Variants in CUL9 observed in about 807,000 individuals in gnomAD.
The protein encoded by CUL9 is cullin-9.
In CUL9, 79 loss-of-function variants were observed where a neutral mutation model predicts 272.6. The observed-to-expected ratio is 0.29, with a 90% CI of 0.24 to 0.35. The LOEUF (loss-of-function observed/expected upper bound fraction) is 0.35, where lower values mean the gene tolerates loss of function less well. Ranked by LOEUF, CUL9 falls within the 10% of genes least tolerant of loss-of-function variation. The probability of loss-of-function intolerance (pLI) is 1.00; values close to 1 mark genes in which losing one functional copy is unlikely to be tolerated. For missense variants in CUL9, 2,532 were observed against 3,255.6 expected (o/e 0.78, Z 5.41); for synonymous variants, 1,186 against 1,286.5 (o/e 0.92, Z 1.67).
rs968099333 is a variant in CUL9 at position 43,220,024 on chromosome 6, G to A, written c.6283-435G>A. ...GCATAAGTCAGAGACAGGAGCATCC[G>A]GACGGTCATTGGAGATAAGCCACTG... On this transcript the variant is annotated intron_variant, in intron 31 of 40. Coordinates refer to ENST00000252050, the MANE Select transcript of CUL9 (RefSeq NM_015089.4). This position sits in a 1 kb window ranked among gnomAD's most constrained non-coding sequence, Gnocchi z 4.9. Among the ~76,000 whole-genome samples, 1 of 152,124 alleles carries A rather than the reference G, an allele frequency of 6.6e-6. No homozygotes were observed. Among genetic ancestry groups the A allele is most frequent in the Non-Finnish European group, 1.5e-5 (1 of 68,026 alleles).
In CUL9 at chr6:43,196,135, A is replaced by G. The variant is rs764992305; in HGVS notation, c.2455A>G (p.Ile819Val). 12 of 1,613,956 alleles carry G rather than the reference A, an allele frequency of 7.4e-6. No homozygotes were observed. The highest frequency in any genetic ancestry group is 1.7e-5 in the Admixed American group (1 of 59,986). ...IPTFVTGRDS[I>V]HSLFDAQMTR... Reference sequence around the variant, plus strand: ...CACTTTTGTTACTGGCCGAGATTCTATCCACTCTTTGTTTGATGCTCAGAT... The same window carrying G: ...CACTTTTGTTACTGGCCGAGATTCTGTCCACTCTTTGTTTGATGCTCAGAT... Residue 819 changes from isoleucine (I) to valine (V), a missense_variant, in exon 10 of 41, where the codon ATC (isoleucine) becomes GTC (valine). Transcript: ENST00000252050.
rs753250151 is a variant in CUL9, at chr6:43,221,328, AG to A, written c.6752+13del. On this transcript the variant is annotated splice_region_variant and intron_variant, in intron 34 of 40. Transcript: ENST00000252050. The surrounding 1 kb of genome is among the most constrained non-coding windows in gnomAD (Gnocchi z 4.2). The stretch of plus-strand genomic sequence containing the variant: ...AGAACGAGGGGTGCCTGCAGTAAGA[AG>A]GGGGGTACTGTGGGGAGCCAGAGGG... 477 of 1,503,530 alleles carry A rather than the reference AG, an allele frequency of 3.2e-4. 1 individual carries two copies. The highest frequency in any genetic ancestry group is 4.1e-4 in the Non-Finnish European group (456 of 1,118,956). 93.1% of individuals were successfully genotyped at this position (1,503,530 alleles called of 1,614,324 possible).
rs139402922 is a variant in CUL9 at position 43,206,095 on chromosome 6, C to T, written c.4882C>T (p.Arg1628Cys). The T allele has an allele frequency of 6.3e-5, 101 of 1,614,052 alleles. No individual in the cohort carries two copies. The South Asian group carries it at 7.7e-4, about 12-fold the overall frequency. ...GCAGATTGGCCTCTGTTTTCCCAAC[C>T]GCCTCCCACAGCTGATGCTGCAGAG... Reference protein sequence around the residue: ...LEQIGLCFPNRLPQLMLQSLS... With the variant: ...LEQIGLCFPNCLPQLMLQSLS... The change falls in exon 25 of 41, where the codon CGC becomes TGC. Residue 1628 changes from arginine to cysteine, a missense_variant. By Grantham distance (180) the Arg-to-Cys change is radical. Transcript: ENST00000252050. The surrounding 1 kb of genome is among the most constrained non-coding windows in gnomAD (Gnocchi z 4.8).
At chr6:43,201,809 T>C (rs1341924488) in intron 16 of CUL9, among the ~76,000 whole-genome samples, 1 of 152,214 alleles carries the variant, frequency 6.6e-6, no homozygotes, top group Non-Finnish European at 1.5e-5. Context: ...TGGCGGAAGA[T>C]ACAGGCCAGA....
Position 43,203,025 on chromosome 6 carries a change from G to T in CUL9, c.3754-84G>T. 2.0e-6 allele frequency: 3 copies of T among 1,471,866 alleles called. No individual in the cohort carries two copies. The South Asian group carries it at 3.4e-5, about 17-fold the overall frequency. The allele number at this position is 1,471,866 out of a possible 1,614,324, so 91.2% of individuals were successfully genotyped here. ...GGGAGAAGTGAAGGGCACACACCATGACCGACTTGGTTACTGTCAACAATT... is the reference window on the plus strand; with the variant it reads ...GGGAGAAGTGAAGGGCACACACCATTACCGACTTGGTTACTGTCAACAATT... On this transcript the variant is annotated intron_variant, in intron 17 of 40. Transcript: ENST00000252050. The surrounding 1 kb of genome is among the most constrained non-coding windows in gnomAD (Gnocchi z 5.0).
rs769416425 is a variant in CUL9, at chr6:43,222,303, G to A, written c.6847-13G>A. 1.3e-5 allele frequency: 21 copies of A among 1,612,854 alleles called. No individual in the cohort carries two copies. Among genetic ancestry groups the A allele is most frequent in the Middle Eastern group, 1.6e-4 (1 of 6,082 alleles). On this transcript the variant is annotated splice_polypyrimidine_tract_variant and intron_variant, in intron 35 of 40. Transcript: ENST00000252050. ...CAAAACACCCAATAGCCCTCCCAAC[G>A]TATCCTTGCTAGGTAAGCAAGGCAG...
chr6:43,213,109 C>T lies in CUL9; in HGVS notation c.5213-40C>T. The T allele has an allele frequency of 6.2e-7, 1 of 1,605,496 alleles. No homozygotes were observed. The highest frequency in any genetic ancestry group is 8.5e-7 in the Non-Finnish European group (1 of 1,174,254). ...TCAACCCCTAAACCCCTTGTTTCGC[C>T]CATTCTGTGTCTCCACCCTTCTCCT... On this transcript the variant is annotated intron_variant, in intron 26 of 40. Coordinates refer to ENST00000252050, the MANE Select transcript of CUL9 (RefSeq NM_015089.4). This position sits in a 1 kb window ranked among gnomAD's most constrained non-coding sequence, Gnocchi z 5.7.
intron 9 of CUL9, among the ~76,000 whole-genome samples, chr6:43,193,701 G>T (rs535271295): frequency 6.6e-6 from 1 of 152,208 alleles, no homozygotes; most frequent in African/African-American, 2.4e-5. Context: ...ACCGTGCCCA[G>T]CCCAGGCCAG....
Position 43,204,875 on chromosome 6 carries a change from G to C in CUL9, c.4449+18G>C, listed in dbSNP as rs1774927333. The C allele has an allele frequency of 6.2e-7, 1 of 1,613,792 alleles. No homozygotes were observed. The highest frequency in any genetic ancestry group is 1.3e-5 in the African/African-American group (1 of 74,944). On this transcript the variant is annotated intron_variant, in intron 22 of 40. Transcript: ENST00000252050. ...AGGAGCAGGTGGGCAGAAGCAAGCAGAAGTCTGCAGAGGGGAGGGGCTGCT... is the reference window on the plus strand; with the variant it reads ...AGGAGCAGGTGGGCAGAAGCAAGCACAAGTCTGCAGAGGGGAGGGGCTGCT...
Position 43,203,288 on chromosome 6 carries a change from A to T in CUL9, c.3849+84A>T. ...TGATCTGCTTGGGAGATGGCCCAGG[A>T]CCTGTTGAGTCCCAGAGATGTGGGG... is the stretch of plus-strand genomic sequence containing the variant. On this transcript the variant is annotated intron_variant, in intron 18 of 40. Coordinates refer to ENST00000252050, the MANE Select transcript of CUL9 (RefSeq NM_015089.4). This position sits in a 1 kb window ranked among gnomAD's most constrained non-coding sequence, Gnocchi z 5.0. 1.3e-6 allele frequency: 2 copies of T among 1,594,392 alleles called. No homozygotes were observed.
At chr6:43,219,819 AGT>A (rs1776200873) in intron 31 of CUL9, among the ~76,000 whole-genome samples, 1 of 152,042 alleles carries the variant, frequency 6.6e-6, no homozygotes, top group African/African-American at 2.4e-5. Flanking sequence ...AGGCTCTCAC[AGT>A]GGTTTAGGGA....
chr6:43,203,004 GA>G lies in CUL9; in HGVS notation c.3754-103del. On this transcript the variant is annotated intron_variant, in intron 17 of 40. Coordinates refer to ENST00000252050, the MANE Select transcript of CUL9 (RefSeq NM_015089.4). This position sits in a 1 kb window ranked among gnomAD's most constrained non-coding sequence, Gnocchi z 5.0. ...ACGTCCATCCCTAGGCTCTGCGGGAGAAGTGAAGGGCACACACCATGACCGA... is the reference window on the plus strand; with the variant it reads ...ACGTCCATCCCTAGGCTCTGCGGGAGAGTGAAGGGCACACACCATGACCGA... The G allele has an allele frequency of 4.5e-6, 6 of 1,329,890 alleles. No homozygotes were observed. The highest frequency in any genetic ancestry group is 5.4e-6 in the Non-Finnish European group (5 of 931,058). 82.4% of individuals were successfully genotyped at this position (1,329,890 alleles called of 1,614,324 possible).
Position 43,187,620 on chromosome 6 carries a change from G to A in CUL9, c.1582-93G>A, listed in dbSNP as rs940129085. The A allele has an allele frequency of 3.5e-6, 5 of 1,427,222 alleles. No homozygotes were observed. The African/African-American group carries it at 5.7e-5, about 16-fold the overall frequency. 88.4% of individuals were successfully genotyped at this position (1,427,222 alleles called of 1,614,324 possible). Reference sequence around the variant, plus strand: ...GAGGGTCTAGTATGTAGAAGGTGTGGGGGCATGGTAGGGAGTGATCACCCT... The same window carrying A: ...GAGGGTCTAGTATGTAGAAGGTGTGAGGGCATGGTAGGGAGTGATCACCCT... On this transcript the variant is annotated intron_variant, in intron 6 of 40. Coordinates refer to ENST00000252050, the MANE Select transcript of CUL9 (RefSeq NM_015089.4).
rs1774776913 is a variant in CUL9 at position 43,203,346 on chromosome 6, G to A, written c.3850-71G>A. 2 of 1,603,986 alleles carry A rather than the reference G, an allele frequency of 1.2e-6. No homozygotes were observed. The highest frequency in any genetic ancestry group is 1.3e-5 in the African/African-American group (1 of 74,822). On this transcript the variant is annotated intron_variant, in intron 18 of 40. Coordinates refer to ENST00000252050, the MANE Select transcript of CUL9 (RefSeq NM_015089.4). This position sits in a 1 kb window ranked among gnomAD's most constrained non-coding sequence, Gnocchi z 5.0. Reference sequence around the variant, plus strand: ...GAGCAGTTCTAGGGAGCTCAGGGCAGGAGGCTTGGCTTTGGTAGTACTTAG... The same window carrying A: ...GAGCAGTTCTAGGGAGCTCAGGGCAAGAGGCTTGGCTTTGGTAGTACTTAG...
At position 43,221,864 on chromosome 6, in the gene CUL9, C is replaced by T; in HGVS notation, c.6846+86C>T. The T allele has an allele frequency of 1.7e-6, 2 of 1,161,404 alleles. No individual in the cohort carries two copies. The highest frequency in any genetic ancestry group is 2.5e-6 in the Non-Finnish European group (2 of 801,420). 71.9% of individuals were successfully genotyped at this position (1,161,404 alleles called of 1,614,324 possible). A position where few individuals can be genotyped will look rare whatever the true frequency, so the allele number is the denominator to read the frequency against. On this transcript the variant is annotated intron_variant, in intron 35 of 40. Transcript: ENST00000252050. The surrounding 1 kb of genome is among the most constrained non-coding windows in gnomAD (Gnocchi z 4.2). ...ACCAGGTCCTGGGCAGACAGGGCTCCTTGTGCAGTGCAGCATTCTAGCTGT... is the reference window on the plus strand; with the variant it reads ...ACCAGGTCCTGGGCAGACAGGGCTCTTTGTGCAGTGCAGCATTCTAGCTGT...
rs1250098231 is a variant in CUL9 at position 43,186,273 on chromosome 6, A to G, written c.1069A>G (p.Arg357Gly). 1 of 1,614,186 alleles carries G rather than the reference A, an allele frequency of 6.2e-7. No individual in the cohort carries two copies. The highest frequency in any genetic ancestry group is 8.5e-7 in the Non-Finnish European group (1 of 1,180,028). The part of the protein sequence containing the change: ...LLLPTIVTTP[R>G]RQGWVFRQRS... The stretch of plus-strand genomic sequence containing the variant: ...ACTCCCCACCATTGTCACCACCCCC[A>G]GAAGACAAGGGTGGGTCTTCCGCCA... Residue 357 changes from arginine (R) to glycine (G), a missense_variant, in exon 4 of 41, where the codon AGA becomes GGA. Physicochemically the swap from Arg to Gly is moderately radical, Grantham distance 125. Around this residue, in one of 3 missense-constraint regions of CUL9, gnomAD observed 2,218 missense variants for 2,788.6 expected, o/e 0.80. Transcript: ENST00000252050.
chr6:43,195,602 A>G (rs544907100), intron 9 of CUL9, among the ~76,000 whole-genome samples: 4 of 152,174 alleles, frequency 2.6e-5, no homozygotes, highest in Non-Finnish European at 5.9e-5. Flanking sequence ...GAGGTAGGAG[A>G]AAAGCCAGGA....
chr6:43,213,005 G>C lies in CUL9; in HGVS notation c.5213-144G>C. 1.1e-6 allele frequency: 1 copy of C among 893,812 alleles called. No homozygotes were observed. The highest frequency in any genetic ancestry group is 1.7e-5 in the South Asian group (1 of 57,430). The allele number at this position is 893,812 out of a possible 1,614,324, so 55.4% of individuals were successfully genotyped here. On this transcript the variant is annotated intron_variant, in intron 26 of 40. Transcript: ENST00000252050. The surrounding 1 kb of genome is among the most constrained non-coding windows in gnomAD (Gnocchi z 5.7). ...GCGCAGGGAAGGCTGAGATCTGGAA[G>C]CTTGACAAGGTATCTCTCTGTCTGA...
In CUL9 at chr6:43,198,704, T is replaced by C. The variant is rs539420168; in HGVS notation, c.2899T>C (p.Leu967=). ...CCCATCTGCAGAACTACTCCTGGAC[T>C]TGGAGCGTGTGCTGTGCCGTGAGGG... The part of the protein sequence containing the change: ...GGPSAELLLD[L]ERVLCREGSP... The change falls in exon 12 of 41, where the codon TTG becomes CTG. Residue 967 remains leucine, a synonymous_variant. Transcript: ENST00000252050. The C allele has an allele frequency of 1.2e-6, 2 of 1,614,200 alleles. No individual in the cohort carries two copies. The highest frequency in any genetic ancestry group is 1.7e-6 in the Non-Finnish European group (2 of 1,180,026).
Sources: gnomAD v4.1 joint callset for allele counts (sites outside exome capture counted in the v4.1 genomes callset) on GRCh38, gnomAD v4.1.1 for gene constraint, gnomAD v4.1.1 regional missense constraint, Gnocchi (gnomAD v3.1) non-coding constraint, MANE v1.5 for transcripts, NCBI Gene and HGNC (gene_info 2026-07-23, HGNC 2026-07-21) for gene names.